PLXNC1: variants seen among roughly 807,000 people sequenced by gnomAD.
PLXNC1 encodes the protein plexin-C1.
A neutral mutation model predicts 178.2 loss-of-function variants in PLXNC1; 75 were observed. That is an observed-to-expected ratio of 0.42 (90% CI 0.35 to 0.51). The LOEUF (loss-of-function observed/expected upper bound fraction) is 0.51. Ranked by LOEUF, PLXNC1 falls within the 20% of genes least tolerant of loss-of-function variation. The pLI is 0.02. For missense variants in PLXNC1, 1,503 were observed against 1,984.4 expected, an observed-to-expected ratio of 0.76 and a Z score of 4.61; for synonymous variants, 790 against 779.9, an observed-to-expected ratio of 1.01 and a Z score of -0.22.
In PLXNC1 at chr12:94,260,758, A is replaced by G. The variant is rs2136081667; in HGVS notation, c.3368A>G (p.Lys1123Arg). The G allele has an allele frequency of 6.2e-7, 1 of 1,614,226 alleles. No individual in the cohort carries two copies. The highest frequency in any genetic ancestry group is 1.3e-5 in the African/African-American group (1 of 75,058). Reference protein sequence around the residue: ...LMEQCSNMQPKLMLRRTESVV... With the variant: ...LMEQCSNMQPRLMLRRTESVV... ...GAACAGTGTAGTAACATGCAGCCGA[A>G]ACTCATGCTGAGACGCACGGAGTCC... is the stretch of plus-strand genomic sequence containing the variant. Residue 1123 changes from lysine (K) to arginine (R), a missense_variant, in exon 20 of 31, where the codon AAA becomes AGA. Coordinates refer to ENST00000258526, the MANE Select transcript of PLXNC1 (RefSeq NM_005761.3). The surrounding 1 kb of genome is among the most constrained non-coding windows in gnomAD (Gnocchi z 4.4).
chr12:94,182,330 A>T (rs1225553904), intron 3 of PLXNC1, among the ~76,000 whole-genome samples: 1 of 147,618 alleles, frequency 6.8e-6, no homozygotes, highest in East Asian at 2.1e-4. Context: ...AGGCAGGAGG[A>T]TCACTTGAGG....
At chr12:94,161,734 G>T (rs1961391812) in intron 1 of PLXNC1, among the ~76,000 whole-genome samples, 1 of 152,188 alleles carries the variant, frequency 6.6e-6, no homozygotes, top group African/African-American at 2.4e-5. Context: ...ATGAGCTATG[G>T]ATGTGAAATT....
intron 23 of PLXNC1, among the ~76,000 whole-genome samples, chr12:94,283,549 G>A (rs957619685): frequency 6.6e-6 from 1 of 152,194 alleles, no homozygotes; most frequent in Non-Finnish European, 1.5e-5. Context: ...TGGCTGTACG[G>A]GAGACGGGAG....
intron 21 of PLXNC1, among the ~76,000 whole-genome samples, chr12:94,273,785 G>A (rs1221220445): frequency 1.3e-5 from 2 of 152,148 alleles, no homozygotes; most frequent in African/African-American, 2.4e-5. Context: ...CACAAAATGA[G>A]CTCTGGCAGT....
At chr12:94,303,696 T>A in intron 28 of PLXNC1, 60 bp from the exon 29 acceptor site, 1 of 717,842 alleles carries the variant, frequency 1.4e-6, no homozygotes, top group Non-Finnish European at 1.9e-6. Flanking sequence ...CCTCCATCTT[T>A]TTTTTTTTTT....
At chr12:94,192,170 T>G (rs1189559973) in intron 4 of PLXNC1, among the ~76,000 whole-genome samples, 4 of 152,192 alleles carry the variant, frequency 2.6e-5, no homozygotes, top group Admixed American at 2.6e-4. Flanking sequence ...CAACAAATAT[T>G]TATTGAACAC....
chr12:94,167,012 G>A (rs980897220), intron 1 of PLXNC1, among the ~76,000 whole-genome samples: 5 of 151,968 alleles, frequency 3.3e-5, no homozygotes, highest in Non-Finnish European at 5.9e-5. Flanking sequence ...CGATCCTCTC[G>A]CCTCAGTTAC....
At position 94,247,994 on chromosome 12, in the gene PLXNC1, G is replaced by C; in HGVS notation, c.2480G>C (p.Arg827Thr). The change falls in exon 13 of 31, where the codon AGA (arginine) becomes ACA (threonine). Residue 827 changes from arginine to threonine, a missense_variant. Around this residue, in one of 4 missense-constraint regions of PLXNC1, gnomAD observed 639 missense variants for 979.7 expected, o/e 0.65. Coordinates refer to ENST00000258526, the MANE Select transcript of PLXNC1 (RefSeq NM_005761.3). ...CGCACGAATGTCACTGTGAAGCTGA[G>C]AGTACAAGACACCTACTTGGATTGT... ...KVRTNVTVKL[R>T]VQDTYLDCGT... 1 of 1,614,180 alleles carries C rather than the reference G, an allele frequency of 6.2e-7. No individual in the cohort carries two copies. Among genetic ancestry groups the C allele is most frequent in the Non-Finnish European group, 8.5e-7 (1 of 1,180,008 alleles).
In PLXNC1 at chr12:94,260,850, A is replaced by G. The variant is rs1272139027; in HGVS notation, c.3450+10A>G. The G allele has an allele frequency of 6.2e-7, 1 of 1,613,058 alleles. No homozygotes were observed. The highest frequency in any genetic ancestry group is 8.5e-7 in the Non-Finnish European group (1 of 1,179,082). On this transcript the variant is annotated intron_variant, in intron 20 of 30. Coordinates refer to ENST00000258526, the MANE Select transcript of PLXNC1 (RefSeq NM_005761.3). The surrounding 1 kb of genome is among the most constrained non-coding windows in gnomAD (Gnocchi z 4.4). The stretch of plus-strand genomic sequence containing the variant: ...TTCTGGATTTCTCCGGGTAAGTGTC[A>G]CATCCCTCAGCAATGTCAGAGGTAA...
In PLXNC1 at chr12:94,251,210, T is replaced by G. The variant is rs150114478; in HGVS notation, c.2779-216T>G. On this transcript the variant is annotated intron_variant, in intron 14 of 30. Coordinates refer to ENST00000258526, the MANE Select transcript of PLXNC1 (RefSeq NM_005761.3). Reference sequence around the variant, plus strand: ...GACTCTGAGGGTCTAGTCCAGCATGTGTCAACTGACATTTCAGGAAACTGA... The same window carrying G: ...GACTCTGAGGGTCTAGTCCAGCATGGGTCAACTGACATTTCAGGAAACTGA... Among the ~76,000 whole-genome samples, 194 of 152,338 alleles carry G rather than the reference T, an allele frequency of 1.3e-3. 1 individual carries two copies. Among genetic ancestry groups the G allele is most frequent in the Non-Finnish European group, 1.6e-3 (111 of 68,034 alleles).
chr12:94,304,931 G>A (rs1031255152), intron 30 of PLXNC1, among the ~76,000 whole-genome samples: 8 of 152,212 alleles, frequency 5.3e-5, no homozygotes, highest in African/African-American at 1.7e-4. Flanking sequence ...GCAGGGCCTA[G>A]GAAGCCTGGC....
intron 7 of PLXNC1, among the ~76,000 whole-genome samples, chr12:94,225,941 C>T (rs1003276083): frequency 2.6e-5 from 4 of 152,300 alleles, no homozygotes; most frequent in South Asian, 4.1e-4. Context: ...CTGGGTCCCC[C>T]GGCCCTGTGC....
chr12:94,290,837 G>A (rs910675413), intron 23 of PLXNC1, among the ~76,000 whole-genome samples: 5 of 152,244 alleles, frequency 3.3e-5, no homozygotes, highest in Admixed American at 2.0e-4. Flanking sequence ...GGAGGGAAAA[G>A]TCACTTAGCT....
intron 1 of PLXNC1, among the ~76,000 whole-genome samples, chr12:94,162,324 A>T (rs1180523758): frequency 6.6e-6 from 1 of 152,228 alleles, no homozygotes; most frequent in Non-Finnish European, 1.5e-5. Flanking sequence ...TAATGTGTCC[A>T]GAGTCTGAAA....
chr12:94,269,509 T>G (rs1359046093), intron 21 of PLXNC1, among the ~76,000 whole-genome samples: 1 of 152,222 alleles, frequency 6.6e-6, no homozygotes, highest in Non-Finnish European at 1.5e-5. Context: ...ATACTTCCTT[T>G]AACAGTGCTC....
chr12:94,252,904 C>T (rs61927160), intron 15 of PLXNC1, among the ~76,000 whole-genome samples: 27,277 of 152,152 alleles, frequency 0.18, 2,810 homozygotes, highest in South Asian at 0.31. Context: ...GAAAAAGGAA[C>T]TCTTATCCAC....
chr12:94,226,679 G>T lies in PLXNC1; in HGVS notation c.1865G>T (p.Cys622Phe). 6.2e-7 allele frequency: 1 copy of T among 1,613,454 alleles called. No individual in the cohort carries two copies. The highest frequency in any genetic ancestry group is 1.3e-5 in the African/African-American group (1 of 75,012). The change falls in exon 8 of 31, where the codon TGC becomes TTC. Residue 622 changes from cysteine (C) to phenylalanine (F), a missense_variant. Cys to Phe is a radical substitution (Grantham distance 205, BLOSUM62 -2). Coordinates refer to ENST00000258526, the MANE Select transcript of PLXNC1 (RefSeq NM_005761.3). ...ARRCIHPFTA[C>F]DPSDYERNQE... The stretch of plus-strand genomic sequence containing the variant: ...AGGTGTATCCACCCCTTCACAGCTT[G>T]CGACCCTTCTGATTATGAGAGAAAC...
intron 4 of PLXNC1, among the ~76,000 whole-genome samples, chr12:94,195,180 C>T (rs1286972316): frequency 2.0e-5 from 3 of 152,068 alleles, no homozygotes; most frequent in Non-Finnish European, 2.9e-5. Context: ...GGCCTTCCAG[C>T]GCCATATTTG....
intron 1 of PLXNC1, among the ~76,000 whole-genome samples, chr12:94,153,342 C>A (rs1961029566): frequency 6.6e-6 from 1 of 152,244 alleles, no homozygotes; most frequent in Admixed American, 6.5e-5. Flanking sequence ...TAGAGGGTAA[C>A]CTCAGAAGGC....
Sources: allele counts gnomAD v4.1 joint callset (sites outside exome capture counted in the v4.1 genomes callset), GRCh38; gene constraint gnomAD v4.1.1; regional missense constraint gnomAD v4.1.1; non-coding constraint Gnocchi (gnomAD v3.1); transcripts MANE v1.5; gene names NCBI Gene and HGNC (gene_info 2026-07-23, HGNC 2026-07-21).